CLYBL: variants seen among roughly 807,000 people sequenced by gnomAD.
The protein encoded by CLYBL is citramalyl-CoA lyase, mitochondrial.
A neutral mutation model predicts 38.9 loss-of-function variants in CLYBL; 31 were observed. The ratio of observed to expected loss-of-function variants is 0.80; its 90% CI spans 0.60 to 1.08. The LOEUF (loss-of-function observed/expected upper bound fraction) is 1.08, where lower values mean the gene tolerates loss of function less well. CLYBL is among the 50% of genes least tolerant of loss of function. The pLI is 0.00. For synonymous variants in CLYBL, 171 were observed against 158.6 expected, an observed-to-expected ratio of 1.08 and a Z score of -0.59; for missense variants, 434 against 411.6, an observed-to-expected ratio of 1.05 and a Z score of -0.47.
chr13:99,719,764 C>A (rs2048368588), intron 1 of CLYBL, among the ~76,000 whole-genome samples: 3 of 151,700 alleles, frequency 2.0e-5, no homozygotes, highest in Admixed American at 2.0e-4. Context: ...CACCTCAGCC[C>A]CACAAAGTGC....
intron 2 of CLYBL, among the ~76,000 whole-genome samples, chr13:99,802,324 G>A (rs1050042282): frequency 6.6e-6 from 1 of 152,142 alleles, no homozygotes; most frequent in African/African-American, 2.4e-5. Flanking sequence ...GATATATTTA[G>A]TCCATAGCAA....
chr13:99,771,520 TC>T (rs2138787778), intron 1 of CLYBL, among the ~76,000 whole-genome samples: 1 of 152,338 alleles, frequency 6.6e-6, no homozygotes, highest in African/African-American at 2.4e-5. Flanking sequence ...ATTTTCATTT[TC>T]ACCGGGCCCC....
At chr13:99,743,966 C>CTTTTTTTTTTTTTTTTTTTTTT (rs1162079530) in intron 1 of CLYBL, among the ~76,000 whole-genome samples, 8 of 69,178 alleles carry the variant, frequency 1.2e-4, no homozygotes, top group African/African-American at 1.8e-4. Context: ...TCTCTTCTTT[C>CTTTTTTTTTTTTTTTTTTTTTT]TTTTTTTTTT....
intron 1 of CLYBL, among the ~76,000 whole-genome samples, chr13:99,705,740 C>T (rs893152822): frequency 2.0e-5 from 3 of 151,774 alleles, no homozygotes; most frequent in Non-Finnish European, 4.4e-5. Flanking sequence ...GGTGGTTACC[C>T]GGGGCTGGGG....
At chr13:99,716,508 C>G (rs1301267848) in intron 1 of CLYBL, among the ~76,000 whole-genome samples, 3 of 151,008 alleles carry the variant, frequency 2.0e-5, no homozygotes, top group African/African-American at 7.3e-5. Context: ...CTAAGCCTCC[C>G]AAGTAGCTGG....
intron 1 of CLYBL, among the ~76,000 whole-genome samples, chr13:99,749,707 G>A (rs1261416618): frequency 1.3e-5 from 2 of 152,216 alleles, no homozygotes; most frequent in Non-Finnish European, 2.9e-5. Flanking sequence ...TCCTGAAGCA[G>A]GCTGCACGCT....
chr13:99,873,945 A>C (rs1268609571), intron 7 of CLYBL, among the ~76,000 whole-genome samples: 1 of 151,824 alleles, frequency 6.6e-6, no homozygotes, highest in South Asian at 2.1e-4. Context: ...GTTGGTTGAC[A>C]ATCACTTTAC....
intron 1 of CLYBL, among the ~76,000 whole-genome samples, chr13:99,710,046 CT>C (rs1461048543): frequency 2.0e-4 from 30 of 151,288 alleles, no homozygotes; most frequent in Admixed American, 1.3e-3. Flanking sequence ...GCCTCAGCCT[CT>C]CCGAGTAGCT....
At chr13:99,653,374 CA>C (rs570707225) in intron 1 of CLYBL, among the ~76,000 whole-genome samples, 6,493 of 137,520 alleles carry the variant, frequency 0.047, 338 homozygotes, top group African/African-American at 0.15. Context: ...GAGGACCGGC[CA>C]AAAAAAAAAA....
chr13:99,669,731 G>T (rs148725132), intron 1 of CLYBL, among the ~76,000 whole-genome samples: 14 of 152,254 alleles, frequency 9.2e-5, no homozygotes, highest in African/African-American at 3.4e-4. Flanking sequence ...ACAGTGTTCT[G>T]CACCCCACAC....
chr13:99,902,418 T>C (rs1181876633), intron 8 of CLYBL, among the ~76,000 whole-genome samples: 1 of 152,204 alleles, frequency 6.6e-6, no homozygotes, highest in African/African-American at 2.4e-5. Flanking sequence ...GTTTTCAAAA[T>C]AAATAGCCAA....
intron 2 of CLYBL, among the ~76,000 whole-genome samples, chr13:99,826,764 C>G (rs1026987191): frequency 7.9e-5 from 12 of 152,240 alleles, no homozygotes; most frequent in African/African-American, 2.9e-4. Context: ...AATCCCATAT[C>G]TGTCTTGGTT....
At chr13:99,739,293 A>G (rs948707190) in intron 1 of CLYBL, among the ~76,000 whole-genome samples, 1 of 152,226 alleles carries the variant, frequency 6.6e-6, no homozygotes, top group Non-Finnish European at 1.5e-5. Flanking sequence ...ACTTGAGGAA[A>G]GGAAATGAGG....
intron 1 of CLYBL, among the ~76,000 whole-genome samples, chr13:99,767,384 G>GTCTT (rs1055717551): frequency 6.6e-6 from 1 of 152,196 alleles, no homozygotes; most frequent in African/African-American, 2.4e-5. Context: ...AGAACTGGAA[G>GTCTT]TCTTTCACTT....
chr13:99,838,478 A>G (rs2050991064), intron 2 of CLYBL, among the ~76,000 whole-genome samples: 1 of 152,022 alleles, frequency 6.6e-6, no homozygotes, highest in Non-Finnish European at 1.5e-5. Context: ...TATCTCAGAA[A>G]TGCCACCGTG....
At chr13:99,649,437 A>C (rs2047220029) in intron 1 of CLYBL, among the ~76,000 whole-genome samples, 1 of 152,226 alleles carries the variant, frequency 6.6e-6, no homozygotes, top group Non-Finnish European at 1.5e-5. Context: ...TGAAGATAGA[A>C]AAGCTAAACA....
chr13:99,677,526 G>A (rs2047671784), intron 1 of CLYBL, among the ~76,000 whole-genome samples: 1 of 152,164 alleles, frequency 6.6e-6, no homozygotes. Flanking sequence ...GTTCCCAAGT[G>A]CTTTTTTGGC....
At chr13:99,817,521 G>A (rs1457116975) in intron 2 of CLYBL, among the ~76,000 whole-genome samples, 1 of 151,902 alleles carries the variant, frequency 6.6e-6, no homozygotes. Context: ...CGGGCGTGGT[G>A]GCAGGTGCCT....
At chr13:99,833,541 C>A (rs918049205) in intron 2 of CLYBL, among the ~76,000 whole-genome samples, 4 of 152,062 alleles carry the variant, frequency 2.6e-5, no homozygotes, top group Non-Finnish European at 4.4e-5. Context: ...ATAAATAAGT[C>A]ATTAGAACTC....
Sources: allele counts gnomAD v4.1 joint callset (sites outside exome capture counted in the v4.1 genomes callset), GRCh38; gene constraint gnomAD v4.1.1; transcripts MANE v1.5; gene names NCBI Gene and HGNC (gene_info 2026-07-23, HGNC 2026-07-21).